The following GNAQ variants were observed in gnomAD, a reference collection of about 807,000 sequenced individuals.
GNAQ encodes the protein guanine nucleotide-binding protein G(q) subunit alpha.
In GNAQ, 8 loss-of-function variants were observed where a neutral mutation model predicts 43.9. The ratio of observed to expected loss-of-function variants is 0.18; its 90% CI spans 0.11 to 0.33. The LOEUF is 0.33. Among genes scored for constraint, GNAQ ranks in the 10% least tolerant of loss-of-function variants. GNAQ has a pLI of 1.00. For synonymous variants in GNAQ, 155 were observed against 170.7 expected, an observed-to-expected ratio of 0.91 and a Z score of 0.71; for missense variants, 158 against 450.8, an observed-to-expected ratio of 0.35 and a Z score of 5.88.
intron 1 of GNAQ, among the ~76,000 whole-genome samples, chr9:77,975,317 A>G (rs186957879): frequency 6.6e-6 from 1 of 152,296 alleles, no homozygotes; most frequent in Admixed American, 6.5e-5. Flanking sequence ...CAACTTTTAC[A>G]GAATGCTTAC....
chr9:77,981,061 G>A (rs1021704378), intron 1 of GNAQ, among the ~76,000 whole-genome samples: 6 of 152,198 alleles, frequency 3.9e-5, no homozygotes, highest in African/African-American at 9.7e-5. Context: ...AGTGAGTGGT[G>A]AGGTGTTAGA....
intron 2 of GNAQ, among the ~76,000 whole-genome samples, chr9:77,826,140 TGA>T (rs776732183): frequency 1.1e-4 from 16 of 152,158 alleles, no homozygotes; most frequent in Non-Finnish European, 2.1e-4. Context: ...TCAAGAATAA[TGA>T]GAGAGTACAT....
intron 5 of GNAQ, among the ~76,000 whole-genome samples, chr9:77,745,640 C>A (rs1825717642): frequency 1.3e-5 from 2 of 148,846 alleles, no homozygotes; most frequent in East Asian, 2.0e-4. Context: ...AGCCAAAAAA[C>A]AAAGAAAGAT....
intron 5 of GNAQ, among the ~76,000 whole-genome samples, chr9:77,781,608 C>T (rs1826394452): frequency 6.6e-6 from 1 of 151,822 alleles, no homozygotes; most frequent in Admixed American, 6.6e-5. Context: ...TATAAAATTC[C>T]CAACAAAATA....
intron 5 of GNAQ, among the ~76,000 whole-genome samples, chr9:77,780,549 T>C (rs886307870): frequency 6.6e-6 from 1 of 151,960 alleles, no homozygotes; most frequent in African/African-American, 2.4e-5. Context: ...CATTGGCTAC[T>C]GTGAACAGTG....
intron 3 of GNAQ, among the ~76,000 whole-genome samples, chr9:77,811,884 T>G (rs1158952510): frequency 6.6e-6 from 1 of 151,992 alleles, no homozygotes; most frequent in East Asian, 1.9e-4. Context: ...CTTACATAAC[T>G]GGCAGGAATA....
At chr9:77,905,590 A>C (rs1564147110) in intron 2 of GNAQ, among the ~76,000 whole-genome samples, 1 of 152,230 alleles carries the variant, frequency 6.6e-6, no homozygotes, top group Non-Finnish European at 1.5e-5. Context: ...ACTGCACAGG[A>C]ACATGGGGCA....
rs1823822596 is a variant in GNAQ, at chr9:78,015,097, GT to G, written c.136+16002del. Among the ~76,000 whole-genome samples, 2 of 152,172 alleles carry G rather than the reference GT, an allele frequency of 1.3e-5. 1 individual carries two copies. The highest frequency in any genetic ancestry group is 4.1e-4 in the South Asian group (2 of 4,828). On this transcript the variant is annotated intron_variant, in intron 1 of 6. Coordinates refer to ENST00000286548, the MANE Select transcript of GNAQ (RefSeq NM_002072.5). The stretch of plus-strand genomic sequence containing the variant: ...TTCCAGCCTGCAAGCTCCATTTATG[GT>G]AAGTGCGCTCTATGTGTATCATATT...
intron 1 of GNAQ, among the ~76,000 whole-genome samples, chr9:77,966,525 T>C (rs1823169602): frequency 6.6e-6 from 1 of 152,146 alleles, no homozygotes; most frequent in East Asian, 1.9e-4. Flanking sequence ...AGGAACAAAA[T>C]TCATTTTTCT....
At chr9:77,737,888 C>T (rs978389920) in intron 5 of GNAQ, among the ~76,000 whole-genome samples, 2 of 152,166 alleles carry the variant, frequency 1.3e-5, no homozygotes, top group Non-Finnish European at 2.9e-5. Flanking sequence ...TGCTCAGGTC[C>T]GCTTAGTATC....
At chr9:77,845,727 G>A (rs548758344) in intron 2 of GNAQ, among the ~76,000 whole-genome samples, 1 of 152,284 alleles carries the variant, frequency 6.6e-6, no homozygotes, top group South Asian at 2.1e-4. Flanking sequence ...ACTTTACACA[G>A]TATAAACAAT....
chr9:78,022,941 A>T (rs915750244), intron 1 of GNAQ, among the ~76,000 whole-genome samples: 3 of 152,240 alleles, frequency 2.0e-5, no homozygotes, highest in Non-Finnish European at 4.4e-5. Context: ...ATGGAAATAC[A>T]ATCAGAAAAA....
chr9:77,899,263 AT>A (rs377254187), intron 2 of GNAQ, among the ~76,000 whole-genome samples: 1 of 151,884 alleles, frequency 6.6e-6, no homozygotes, highest in Non-Finnish European at 1.5e-5. Flanking sequence ...CACCCAGCCA[AT>A]TTTTTTATTT....
intron 3 of GNAQ, among the ~76,000 whole-genome samples, chr9:77,800,494 A>G (rs1376122067): frequency 6.6e-6 from 1 of 152,104 alleles, no homozygotes; most frequent in African/African-American, 2.4e-5. Context: ...AACACCGCAT[A>G]TTCTCACTCA....
chr9:77,892,158 G>A (rs529911289), intron 2 of GNAQ, among the ~76,000 whole-genome samples: 1 of 152,140 alleles, frequency 6.6e-6, no homozygotes, highest in Non-Finnish European at 1.5e-5. Flanking sequence ...ATCTAGCCTA[G>A]TGCATGGATT....
intron 3 of GNAQ, among the ~76,000 whole-genome samples, chr9:77,806,803 A>G (rs549522899): frequency 6.6e-6 from 1 of 152,354 alleles, no homozygotes; most frequent in East Asian, 1.9e-4. Context: ...CGTGAACTAC[A>G]AAGAAAAAAG....
chr9:77,807,832 T>C (rs930983277), intron 3 of GNAQ, among the ~76,000 whole-genome samples: 4 of 152,200 alleles, frequency 2.6e-5, no homozygotes, highest in Admixed American at 6.5e-5. Context: ...TAAATATAAA[T>C]ATTTTAGGAC....
At chr9:77,795,460 A>T (rs1159751364) in intron 4 of GNAQ, among the ~76,000 whole-genome samples, 2 of 152,236 alleles carry the variant, frequency 1.3e-5, no homozygotes, top group Non-Finnish European at 2.9e-5. Context: ...GGAAAAAAAT[A>T]GTCTCAGAGA....
intron 2 of GNAQ, among the ~76,000 whole-genome samples, chr9:77,833,337 T>C (rs1187027712): frequency 6.6e-6 from 1 of 152,218 alleles, no homozygotes; most frequent in Non-Finnish European, 1.5e-5. Context: ...CCTCTCTCCC[T>C]TGGGCAGTCG....
Sources: allele counts gnomAD v4.1 joint callset (sites outside exome capture counted in the v4.1 genomes callset), GRCh38; gene constraint gnomAD v4.1.1; transcripts MANE v1.5; gene names NCBI Gene and HGNC (gene_info 2026-07-23, HGNC 2026-07-21).